The following HIP1R variants were observed in gnomAD, a reference collection of about 807,000 sequenced individuals.
HIP1R encodes the protein huntingtin interacting protein 1 related.
Under a neutral mutation model 144.2 loss-of-function variants are expected in HIP1R, and 135 were observed. The observed-to-expected ratio is 0.94, with a 90% confidence interval of 0.81 to 1.08. HIP1R has a LOEUF of 1.08. Among genes scored for constraint, HIP1R ranks in the 50% least tolerant of loss-of-function variants. The pLI is 0.00. For synonymous variants in HIP1R, 698 were observed against 612.8 expected (o/e 1.14, Z -2.05); for missense variants, 1,462 against 1,432.8 (o/e 1.02, Z -0.33).
chr12:122,848,020 G>T lies in HIP1R; in HGVS notation c.94-11G>T. 2 of 1,613,410 alleles carry T rather than the reference G, an allele frequency of 1.2e-6. No individual in the cohort carries two copies. The highest frequency in any genetic ancestry group is 1.7e-6 in the Non-Finnish European group (2 of 1,179,912). On this transcript the variant is annotated splice_polypyrimidine_tract_variant and intron_variant, in intron 1 of 31. Coordinates refer to ENST00000253083, the MANE Select transcript of HIP1R (RefSeq NM_003959.3). ...CTGGGGCTCTAAACACTGCTCCTTT[G>T]TCCCTCACAGGCCATCAGCATCAGC...
Position 122,858,840 on chromosome 12 carries a change from G to A in HIP1R, c.2053G>A (p.Ala685Thr), listed in dbSNP as rs770587189. Residue 685 changes from alanine (A) to threonine (T), a missense_variant and splice_region_variant, in exon 21 of 32, where the codon GCC becomes ACC. Physicochemically the swap from Ala to Thr is moderately conservative, Grantham distance 58. This residue lies in a region of HIP1R where 1,112 missense variants were observed against 1,011.7 expected (regional missense o/e 1.10). Transcript: ENST00000253083. ...HAQYLTSLADASALVAALTRF... is the reference protein window; with the variant it reads ...HAQYLTSLADTSALVAALTRF... Reference sequence around the variant, plus strand: ...CTTGGCCCCACCCACCCGCACAGACGCCTCCGCCCTGGTGGCAGCTCTGAC... The same window carrying A: ...CTTGGCCCCACCCACCCGCACAGACACCTCCGCCCTGGTGGCAGCTCTGAC... 6 of 1,609,982 alleles carry A rather than the reference G, an allele frequency of 3.7e-6. No homozygotes were observed. Among genetic ancestry groups the A allele is most frequent in the African/African-American group, 2.7e-5 (2 of 75,000 alleles).
In HIP1R at chr12:122,862,083, CTCT is replaced by C. The variant is rs1435384470; in HGVS notation, c.*336_*338del. 17 of 301,702 alleles carry C rather than the reference CTCT, an allele frequency of 5.6e-5. No homozygotes were observed. The highest frequency in any genetic ancestry group is 2.8e-4 in the African/African-American group (13 of 45,688). 18.7% of individuals were successfully genotyped at this position (301,702 alleles called of 1,614,324 possible). A position where few individuals can be genotyped will look rare whatever the true frequency, so the allele number is the denominator to read the frequency against. On this transcript the variant is annotated 3_prime_UTR_variant, in exon 32 of 32. Coordinates refer to ENST00000253083, the MANE Select transcript of HIP1R (RefSeq NM_003959.3). ...GTGTTTTTAATATTCCGAGCTAGAGCTCTTCTTCCTACGTTTGTAGTCAGCACA... is the reference window on the plus strand; with the variant it reads ...GTGTTTTTAATATTCCGAGCTAGAGCTCTTCCTACGTTTGTAGTCAGCACA...
Position 122,849,967 on chromosome 12 carries a change from G to T in HIP1R, c.438+12G>T, listed in dbSNP as rs1406353939. ...CCTTCCACCTCAAGGTGGTTTCCTC[G>T]GGGGAGTCATGGGGCTGAGGGACCC... On this transcript the variant is annotated intron_variant, in intron 5 of 31. Coordinates refer to ENST00000253083, the MANE Select transcript of HIP1R (RefSeq NM_003959.3). 1.2e-6 allele frequency: 2 copies of T among 1,603,992 alleles called. No homozygotes were observed. Among genetic ancestry groups the T allele is most frequent in the East Asian group, 4.5e-5 (2 of 44,834 alleles).
rs2033687952 is a variant in HIP1R, at chr12:122,859,210, T to C, written c.2295+13T>C. On this transcript the variant is annotated intron_variant, in intron 22 of 31. Coordinates refer to ENST00000253083, the MANE Select transcript of HIP1R (RefSeq NM_003959.3). ...TCAGCTGGGCCAGGTGAGGCACAGC[T>C]GAGTGTGGGTTTGGGAGGCTTGGGC... The C allele has an allele frequency of 1.3e-6, 2 of 1,566,744 alleles. No individual in the cohort carries two copies. The highest frequency in any genetic ancestry group is 1.9e-5 in the Admixed American group (1 of 52,908).
At chr12:122,858,670 G>A (rs559515523) in intron 20 of HIP1R, among the ~76,000 whole-genome samples, 168 bp from the exon 21 acceptor site, 10 of 152,310 alleles carry the variant, frequency 6.6e-5, no homozygotes, top group African/African-American at 2.2e-4. Flanking sequence ...TGAAGGGCCC[G>A]GGGCCACACA....
intron 9 of HIP1R, 34 bp downstream of exon 9, chr12:122,854,996 G>C (rs1380888772): frequency 1.2e-6 from 2 of 1,613,514 alleles, no homozygotes; most frequent in Non-Finnish European, 8.5e-7. Flanking sequence ...ATTGAGGCCG[G>C]TGGGGGAGAG....
At chr12:122,850,109 G>A (rs866800765) in intron 5 of HIP1R, 154 bp downstream of exon 5, 15 of 707,464 alleles carry the variant, frequency 2.1e-5, no homozygotes, top group Middle Eastern at 2.3e-4. Context: ...AAGGGGAGAC[G>A]GGGAAGCCAG....
chr12:122,852,689 C>A (rs1256737127), intron 7 of HIP1R, among the ~76,000 whole-genome samples: 1 of 152,192 alleles, frequency 6.6e-6, no homozygotes, highest in Non-Finnish European at 1.5e-5. Context: ...CATGCCTCAG[C>A]AGAGGCTGCG....
At chr12:122,838,117 T>C (rs1260173927) in intron 1 of HIP1R, among the ~76,000 whole-genome samples, 4 of 152,174 alleles carry the variant, frequency 2.6e-5, no homozygotes, top group African/African-American at 9.7e-5. Context: ...GGAAGATAAT[T>C]GCTTTCCTGT....
intron 19 of HIP1R, 36 bp from the exon 20 acceptor site, chr12:122,858,313 G>T: frequency 6.3e-7 from 1 of 1,592,310 alleles, no homozygotes; most frequent in Non-Finnish European, 8.6e-7. Context: ...CCTGAGCAGC[G>T]GGTGGCAGGG....
chr12:122,839,987 T>C (rs935105147), intron 1 of HIP1R, among the ~76,000 whole-genome samples: 2 of 152,234 alleles, frequency 1.3e-5, no homozygotes, highest in Non-Finnish European at 2.9e-5. Context: ...TAGGAGTGAT[T>C]TGCCCGCAGC....
Position 122,860,214 on chromosome 12 carries a change from A to G in HIP1R, c.2559+4A>G, listed in dbSNP as rs1593891475. On this transcript the variant is annotated splice_donor_region_variant and intron_variant, in intron 26 of 31. Coordinates refer to ENST00000253083, the MANE Select transcript of HIP1R (RefSeq NM_003959.3). ...GGAGATCGTGGAGAGCGGCAGGGTG[A>G]GGGGCCGGCGGCAGCAGGGCACAGT... The G allele has an allele frequency of 6.4e-7, 1 of 1,553,964 alleles. No individual in the cohort carries two copies. The highest frequency in any genetic ancestry group is 8.7e-7 in the Non-Finnish European group (1 of 1,151,514).
intron 1 of HIP1R, among the ~76,000 whole-genome samples, chr12:122,845,712 C>T (rs949607312): frequency 6.6e-6 from 1 of 152,174 alleles, no homozygotes; most frequent in Non-Finnish European, 1.5e-5. Context: ...GGGTGCCCGG[C>T]CCTCAGAGAC....
chr12:122,857,051 A>ACGCTGAGTGCGGAGAAGGATG lies in HIP1R; in HGVS notation c.1653_1673dup (p.Ala554_Ser560dup). Reference sequence around the variant, plus strand: ...GTCGGAGCTGAGCTCACGGCTGGACACGCTGAGTGCGGAGAAGGATGCTCT... The same window carrying ACGCTGAGTGCGGAGAAGGATG: ...GTCGGAGCTGAGCTCACGGCTGGACACGCTGAGTGCGGAGAAGGATGCGCTGAGTGCGGAGAAGGATGCTCT... On this transcript the variant is annotated inframe_insertion, in exon 18 of 32. Transcript: ENST00000253083. The ACGCTGAGTGCGGAGAAGGATG allele has an allele frequency of 6.4e-7, 1 of 1,550,736 alleles. No individual in the cohort carries two copies. Among genetic ancestry groups the ACGCTGAGTGCGGAGAAGGATG allele is most frequent in the Non-Finnish European group, 8.7e-7 (1 of 1,147,618 alleles).
In HIP1R at chr12:122,851,247, C is replaced by T. The variant is rs1182719321; in HGVS notation, c.527C>T (p.Thr176Ile). ...CTTCTCTTGCGTAGCTTCCAGCTCACTGTGGAGATGTTTGATTACATGGAT... is the reference window on the plus strand; with the variant it reads ...CTTCTCTTGCGTAGCTTCCAGCTCATTGTGGAGATGTTTGATTACATGGAT... ...GTDVNNIFQL[T>I]VEMFDYMDCE... The change falls in exon 7 of 32, where the codon ACT (threonine) becomes ATT (isoleucine). Residue 176 changes from threonine to isoleucine, a missense_variant. This residue lies in a region of HIP1R where 350 missense variants were observed against 421.1 expected (regional missense o/e 0.83). Coordinates refer to ENST00000253083, the MANE Select transcript of HIP1R (RefSeq NM_003959.3). The T allele has an allele frequency of 1.9e-6, 3 of 1,540,324 alleles. No homozygotes were observed. Among genetic ancestry groups the T allele is most frequent in the Non-Finnish European group, 2.6e-6 (3 of 1,151,940 alleles).
chr12:122,856,935 C>A, intron 17 of HIP1R, 86 bp from the exon 18 acceptor site: 1 of 1,336,596 alleles, frequency 7.5e-7, no homozygotes, highest in Non-Finnish European at 1.0e-6. Context: ...TCACTAACCC[C>A]CAGGGCCCAG....
At chr12:122,853,101 C>T (rs1183160087) in intron 7 of HIP1R, among the ~76,000 whole-genome samples, 1 of 152,144 alleles carries the variant, frequency 6.6e-6, no homozygotes, top group Non-Finnish European at 1.5e-5. Context: ...CCGTGCTGGC[C>T]AGCTGCCTGC....
chr12:122,856,098 T>TGGCCCAGCTGAGGGC lies in HIP1R; in HGVS notation c.1248_1262dup (p.Arg420_Leu424dup). On this transcript the variant is annotated inframe_insertion, in exon 14 of 32. Coordinates refer to ENST00000253083, the MANE Select transcript of HIP1R (RefSeq NM_003959.3). ...GATAATGAGCAGCTCCGCCACGAGC[T>TGGCCCAGCTGAGGGC]GGCCCAGCTGAGGGCTGCCCAGCTG... 2 of 1,586,802 alleles carry TGGCCCAGCTGAGGGC rather than the reference T, an allele frequency of 1.3e-6. No homozygotes were observed. Among genetic ancestry groups the TGGCCCAGCTGAGGGC allele is most frequent in the Non-Finnish European group, 1.7e-6 (2 of 1,166,944 alleles).
At chr12:122,851,797 A>C (rs1215543511) in intron 7 of HIP1R, among the ~76,000 whole-genome samples, 1 of 152,134 alleles carries the variant, frequency 6.6e-6, no homozygotes, top group East Asian at 1.9e-4. Context: ...CCCAGCGGGT[A>C]CATCCAGGAT....
Sources: allele counts gnomAD v4.1 joint callset (sites outside exome capture counted in the v4.1 genomes callset), GRCh38; gene constraint gnomAD v4.1.1; regional missense constraint gnomAD v4.1.1; transcripts MANE v1.5; gene names NCBI Gene and HGNC (gene_info 2026-07-23, HGNC 2026-07-21).